SLC24A2: variants seen among roughly 807,000 people sequenced by gnomAD.
SLC24A2 encodes sodium/potassium/calcium exchanger 2.
SLC24A2 carries 36 observed loss-of-function variants against 62.0 expected under a neutral mutation model. The observed-to-expected ratio is 0.58, with a 90% CI of 0.44 to 0.77. The LOEUF is 0.77. Among genes scored for constraint, SLC24A2 ranks in the 30% least tolerant of loss-of-function variants. The probability of loss-of-function intolerance (pLI) is 0.00; values close to 1 mark genes in which losing one functional copy is unlikely to be tolerated. For synonymous variants in SLC24A2, 358 were observed against 294.0 expected (o/e 1.22, Z -2.23); for missense variants, 846 against 817.9 (o/e 1.03, Z -0.42).
At chr9:20,145,176 G>A in the SLC24A2 span, among the ~76,000 whole-genome samples, 2 of 152,140 alleles carry the variant, frequency 1.3e-5, no homozygotes, top group Non-Finnish European at 2.9e-5. Context: ...CAGTCAGGGA[G>A]CTGCAGTATA....
the SLC24A2 span, among the ~76,000 whole-genome samples, chr9:20,257,690 T>C: frequency 6.6e-6 from 1 of 152,354 alleles, no homozygotes; most frequent in East Asian, 1.9e-4. Context: ...AATTTCTTTC[T>C]TCCTCATCTG....
chr9:19,829,765 ATGTG>A, the SLC24A2 span, among the ~76,000 whole-genome samples: 822 of 56,814 alleles, frequency 0.014, 8 homozygotes, highest in East Asian at 0.039. Flanking sequence ...TTATATATAT[ATGTG>A]TGTGTGTGTG....
At chr9:19,920,816 C>T in the SLC24A2 span, among the ~76,000 whole-genome samples, 11 of 152,094 alleles carry the variant, frequency 7.2e-5, no homozygotes, top group African/African-American at 1.7e-4. Context: ...GTGTATCGAT[C>T]GGGAGCCGGA....
intron 2 of SLC24A2, among the ~76,000 whole-genome samples, chr9:19,748,697 T>TGTTG (rs910100500): frequency 1.9e-5 from 2 of 105,776 alleles, no homozygotes; most frequent in South Asian, 5.8e-4. Flanking sequence ...TTTGTTTGTT[T>TGTTG]GTTGGTTGGT....
chr9:20,295,352 C>G, the SLC24A2 span, among the ~76,000 whole-genome samples: 1 of 152,156 alleles, frequency 6.6e-6, no homozygotes, highest in African/African-American at 2.4e-5. Flanking sequence ...AAACTATTAC[C>G]TTGTTAGTGT....
At chr9:19,734,239 G>A (rs932113456) in intron 2 of SLC24A2, among the ~76,000 whole-genome samples, 2 of 152,064 alleles carry the variant, frequency 1.3e-5, no homozygotes, top group African/African-American at 4.8e-5. Context: ...TGTTCCATTG[G>A]TCTATATCTC....
At chr9:20,076,066 A>C in the SLC24A2 span, among the ~76,000 whole-genome samples, 2 of 152,206 alleles carry the variant, frequency 1.3e-5, no homozygotes, top group African/African-American at 2.4e-5. Context: ...AAAAAGTCTG[A>C]ATGCTTTCCG....
chr9:19,919,095 C>T, the SLC24A2 span, among the ~76,000 whole-genome samples: 1 of 152,222 alleles, frequency 6.6e-6, no homozygotes, highest in Non-Finnish European at 1.5e-5. Context: ...ACTTTTATTA[C>T]CAGAAAGTAC....
chr9:20,163,579 G>A, the SLC24A2 span, among the ~76,000 whole-genome samples: 7 of 152,194 alleles, frequency 4.6e-5, no homozygotes, highest in South Asian at 8.3e-4. Context: ...CAGATTCAAT[G>A]CCATCCCCAT....
At chr9:19,789,063 A>G (rs1196476932), upstream of SLC24A2, among the ~76,000 whole-genome samples, 1 of 151,970 alleles carries the variant, frequency 6.6e-6, no homozygotes. Flanking sequence ...CGGCGCTCCG[A>G]GTCTGGCGCT....
chr9:19,686,899 T>C (rs1050772546), intron 2 of SLC24A2, among the ~76,000 whole-genome samples: 1 of 152,062 alleles, frequency 6.6e-6, no homozygotes, highest in Non-Finnish European at 1.5e-5. Flanking sequence ...CCTTCAACAG[T>C]AGGCTGGCTA....
the SLC24A2 span, among the ~76,000 whole-genome samples, chr9:19,921,139 T>C: frequency 3.2e-4 from 48 of 151,334 alleles, no homozygotes; most frequent in South Asian, 0.01. Context: ...CTGTAGTAAA[T>C]GGTTACCATT....
chr9:20,291,788 G>T, the SLC24A2 span, among the ~76,000 whole-genome samples: 1 of 152,138 alleles, frequency 6.6e-6, no homozygotes, highest in East Asian at 1.9e-4. Context: ...CAGATCTAGG[G>T]ATCAAGAAGA....
chr9:19,856,294 C>T, the SLC24A2 span, among the ~76,000 whole-genome samples: 1 of 152,172 alleles, frequency 6.6e-6, no homozygotes, highest in Non-Finnish European at 1.5e-5. Context: ...TCAGTTCATG[C>T]ATCTTAACCT....
the SLC24A2 span, among the ~76,000 whole-genome samples, chr9:20,235,110 G>A: frequency 1.3e-5 from 2 of 152,188 alleles, no homozygotes; most frequent in African/African-American, 2.4e-5. Context: ...GGAGTACCTG[G>A]CTGTGTGAGG....
the SLC24A2 span, among the ~76,000 whole-genome samples, chr9:20,193,538 C>A: frequency 7.9e-5 from 12 of 151,798 alleles, no homozygotes; most frequent in African/African-American, 2.9e-4. Flanking sequence ...TTTTAACACC[C>A]AACTGACATC....
the SLC24A2 span, among the ~76,000 whole-genome samples, chr9:20,095,277 T>C: frequency 6.6e-6 from 1 of 152,244 alleles, no homozygotes; most frequent in African/African-American, 2.4e-5. Flanking sequence ...TTGATAAAGA[T>C]AATCTATGTA....
chr9:19,843,770 G>A, the SLC24A2 span, among the ~76,000 whole-genome samples: 9 of 152,214 alleles, frequency 5.9e-5, no homozygotes, highest in South Asian at 1.9e-3. Flanking sequence ...GTGAGAGCAT[G>A]TGATATTTGG....
intron 5 of SLC24A2, among the ~76,000 whole-genome samples, chr9:19,594,817 A>G (rs1836661315): frequency 6.6e-6 from 1 of 152,172 alleles, no homozygotes; most frequent in African/African-American, 2.4e-5. Flanking sequence ...GAGACCCTTG[A>G]GAGTTTGAAG....
Sources: gnomAD v4.1 joint callset for allele counts (sites outside exome capture counted in the v4.1 genomes callset) on GRCh38, gnomAD v4.1.1 for gene constraint, MANE v1.5 for transcripts, NCBI Gene and HGNC (gene_info 2026-07-23, HGNC 2026-07-21) for gene names.